The following ARID4A variants were observed in gnomAD, a reference collection of about 807,000 sequenced individuals.
ARID4A encodes the protein AT-rich interaction domain 4A, also known as AT-rich interactive domain-containing protein 4A.
In ARID4A, 39 loss-of-function variants were observed where a neutral mutation model predicts 148.6. The ratio of observed to expected loss-of-function variants is 0.26; its 90% CI spans 0.20 to 0.34. ARID4A has a LOEUF of 0.34. ARID4A is among the 10% of genes least tolerant of loss of function. The pLI is 1.00. For synonymous variants in ARID4A, 475 were observed against 481.2 expected, an observed-to-expected ratio of 0.99 and a Z score of 0.17; for missense variants, 1,265 against 1,449.1, an observed-to-expected ratio of 0.87 and a Z score of 2.06.
At chr14:58,365,465 C>CTT in intron 20 of ARID4A, 53 bp from the exon 21 acceptor site, 3 of 853,844 alleles carry the variant, frequency 3.5e-6, no homozygotes, top group Non-Finnish European at 4.9e-6. Flanking sequence ...AATATACTTG[C>CTT]TCTTTTTTTT....
intron 11 of ARID4A, among the ~76,000 whole-genome samples, chr14:58,333,036 A>G (rs1169911301): frequency 6.6e-6 from 1 of 152,126 alleles, no homozygotes; most frequent in East Asian, 1.9e-4. Context: ...TTTACATGAA[A>G]GAGCACCTTT....
chr14:58,313,837 GGA>G (rs1409413216), intron 5 of ARID4A, among the ~76,000 whole-genome samples: 1 of 152,128 alleles, frequency 6.6e-6, no homozygotes, highest in African/African-American at 2.4e-5. Flanking sequence ...CCCAGCTCCA[GGA>G]GAGAGAGGAA....
At position 58,365,291 on chromosome 14, in the gene ARID4A, A is replaced by C. The variant is rs767440087; in HGVS notation, c.3202A>C (p.Arg1068=). 2 of 1,610,406 alleles carry C rather than the reference A, an allele frequency of 1.2e-6. No individual in the cohort carries two copies. Among genetic ancestry groups the C allele is most frequent in the Admixed American group, 3.4e-5 (2 of 59,512 alleles). Residue 1068 remains arginine (R), a synonymous_variant, in exon 20 of 24, where the codon AGA becomes CGA. Coordinates refer to ENST00000355431, the MANE Select transcript of ARID4A (RefSeq NM_002892.4). ...TATAATTGTACAAGAGAGAGAGAGC[A>C]GAGAGAAGGGTAAGGACTTTCTAGG... The part of the protein sequence containing the change: ...CSIIVQERES[R]EKGQKRPSDG...
chr14:58,357,615 T>G (rs2034940224), intron 17 of ARID4A, among the ~76,000 whole-genome samples: 1 of 30,422 alleles, frequency 3.3e-5, no homozygotes, highest in Non-Finnish European at 9.3e-5. Flanking sequence ...TTTTGCATGG[T>G]TTTTTTTTTT....
Position 58,318,639 on chromosome 14 carries a change from G to A in ARID4A, c.354+18G>A. On this transcript the variant is annotated intron_variant, in intron 6 of 23. Coordinates refer to ENST00000355431, the MANE Select transcript of ARID4A (RefSeq NM_002892.4). ...AGAGTGAGGTAGGGTGACACGGATG[G>A]ACGATTTGGATTGAACTACAGGTAC... 1 of 1,614,004 alleles carries A rather than the reference G, an allele frequency of 6.2e-7. No individual in the cohort carries two copies. The highest frequency in any genetic ancestry group is 2.2e-5 in the East Asian group (1 of 44,874).
intron 8 of ARID4A, among the ~76,000 whole-genome samples, chr14:58,326,895 T>G (rs2033245840): frequency 6.6e-6 from 1 of 152,200 alleles, no homozygotes; most frequent in African/African-American, 2.4e-5. Flanking sequence ...TTATCCTCCA[T>G]TGTGTTCTTT....
At chr14:58,363,019 T>TA (rs1160662861) in intron 19 of ARID4A, among the ~76,000 whole-genome samples, 6 of 152,228 alleles carry the variant, frequency 3.9e-5, no homozygotes, top group Non-Finnish European at 5.9e-5. Context: ...GACAAATGTT[T>TA]AAGATGTCCA....
intron 4 of ARID4A, 92 bp from the exon 5 acceptor site, chr14:58,305,930 G>T: frequency 1.2e-6 from 1 of 856,772 alleles, no homozygotes; most frequent in Non-Finnish European, 2.0e-6. Flanking sequence ...TAAGTATGGT[G>T]TTTATTTTTC....
chr14:58,356,353 A>C (rs1464071269), intron 17 of ARID4A, among the ~76,000 whole-genome samples: 1 of 152,162 alleles, frequency 6.6e-6, no homozygotes, highest in Non-Finnish European at 1.5e-5. Flanking sequence ...TGATTTTACT[A>C]TATGTCTATC....
rs183806708 is a variant in ARID4A at position 58,336,022 on chromosome 14, T to G, written c.906+5853T>G. 3.7e-3 allele frequency among the ~76,000 whole-genome samples: 559 copies of G among 152,282 alleles called. 2 individuals are homozygous for G. Among genetic ancestry groups the G allele is most frequent in the Admixed American group, 0.012 (184 of 15,302 alleles). On this transcript the variant is annotated intron_variant, in intron 11 of 23. Coordinates refer to ENST00000355431, the MANE Select transcript of ARID4A (RefSeq NM_002892.4). ...CTGGATCTACAGTAGTTGTTTGTTT[T>G]TTTTTTTCTAACTGAAAATATATAT...
chr14:58,306,308 T>A (rs2031593461), intron 5 of ARID4A, among the ~76,000 whole-genome samples, 196 bp downstream of exon 5: 1 of 152,216 alleles, frequency 6.6e-6, no homozygotes, highest in Non-Finnish European at 1.5e-5. Flanking sequence ...GTTGGCCACT[T>A]TTGTCTATTT....
intron 11 of ARID4A, among the ~76,000 whole-genome samples, chr14:58,338,444 A>G (rs1319369593): frequency 6.6e-6 from 1 of 152,124 alleles, no homozygotes; most frequent in African/African-American, 2.4e-5. Context: ...TGCAGTGCTT[A>G]GCTCCCCACA....
chr14:58,335,311 CTTT>C (rs71448948), intron 11 of ARID4A, among the ~76,000 whole-genome samples: 4 of 137,702 alleles, frequency 2.9e-5, no homozygotes, highest in Admixed American at 7.3e-5. Context: ...AGGATTTTAT[CTTT>C]TTTTTTTTTT....
chr14:58,364,808 G>GA lies in ARID4A; in HGVS notation c.2723dup (p.Asn908LysfsTer2). On this transcript the variant is annotated frameshift_variant, in exon 20 of 24. Coordinates refer to ENST00000355431, the MANE Select transcript of ARID4A (RefSeq NM_002892.4). LOFTEE classifies it high-confidence loss of function. ...AAATTTTGAACAGCACTTTGAAAGA[G>GA]AAAATGAAGGAATGCCATCATTGAT... 1 of 1,614,108 alleles carries GA rather than the reference G, an allele frequency of 6.2e-7. No individual in the cohort carries two copies. The highest frequency in any genetic ancestry group is 8.5e-7 in the Non-Finnish European group (1 of 1,180,012).
At chr14:58,319,948 CTT>C (rs1011938946) in intron 7 of ARID4A, among the ~76,000 whole-genome samples, 5 of 127,186 alleles carry the variant, frequency 3.9e-5, no homozygotes, top group Admixed American at 8.0e-5. Context: ...TTTTTCTTTT[CTT>C]TTTTTTTTTT....
At chr14:58,359,365 C>T (rs2035032018) in intron 18 of ARID4A, 149 bp downstream of exon 18, 1 of 636,634 alleles carries the variant, frequency 1.6e-6, no homozygotes, top group Non-Finnish European at 2.6e-6. Flanking sequence ...CTGCCCCATG[C>T]ATGCATAGCC....
intron 11 of ARID4A, among the ~76,000 whole-genome samples, chr14:58,339,491 A>G (rs755864251): frequency 6.6e-6 from 1 of 152,132 alleles, no homozygotes; most frequent in Non-Finnish European, 1.5e-5. Flanking sequence ...TACAAGTTAC[A>G]TGGGTCTGAG....
intron 16 of ARID4A, chr14:58,353,453 T>C (rs1401578843): frequency 1.1e-5 from 5 of 451,606 alleles, no homozygotes; most frequent in Non-Finnish European, 1.9e-5. Flanking sequence ...TGGATTTACT[T>C]TGGGTACAGT....
intron 13 of ARID4A, 57 bp downstream of exon 13, chr14:58,346,562 CTTATATTGCATTA>C (rs1402751516): frequency 6.6e-5 from 75 of 1,127,888 alleles, no homozygotes; most frequent in Non-Finnish European, 9.8e-5. Context: ...GTTAAGTTAT[CTTATATTGCATTA>C]TTATATGCAC....
Sources: allele counts gnomAD v4.1 joint callset (sites outside exome capture counted in the v4.1 genomes callset), GRCh38; gene constraint gnomAD v4.1.1; transcripts MANE v1.5; gene names NCBI Gene and HGNC (gene_info 2026-07-23, HGNC 2026-07-21).